FHIP2A: variants seen among roughly 807,000 people sequenced by gnomAD.
FHIP2A encodes the protein family with sequence similarity 160 member B1.
In FHIP2A, 46 loss-of-function variants were observed where a neutral mutation model predicts 93.5. That is an observed-to-expected ratio of 0.49 (90% CI 0.39 to 0.63). FHIP2A has a LOEUF of 0.63. Ranked by LOEUF, FHIP2A falls within the 20% of genes least tolerant of loss-of-function variation. FHIP2A has a pLI of 0.00. For synonymous variants in FHIP2A, 332 were observed against 326.5 expected, an observed-to-expected ratio of 1.02 and a Z score of -0.18; for missense variants, 769 against 909.7, an observed-to-expected ratio of 0.85 and a Z score of 1.99.
rs562294336 is a variant in FHIP2A, at chr10:114,874,974, T to C, written c.2192+13640T>C. ...TTATTGTAACACAGGAAAACCCACG[T>C]TGGTTTTGTACATTCGTGTTTGCTC... On this transcript the variant is annotated intron_variant, in intron 16 of 16. Coordinates refer to the FHIP2A transcript ENST00000369250. 2.6e-5 allele frequency among the ~76,000 whole-genome samples: 4 copies of C among 152,230 alleles called. No individual in the cohort carries two copies. In the South Asian group the frequency reaches 8.3e-4, roughly 32 times the overall value.
intron 1 of FHIP2A, among the ~76,000 whole-genome samples, chr10:114,825,698 G>C (rs1328821226): frequency 6.6e-6 from 1 of 152,210 alleles, no homozygotes; most frequent in African/African-American, 2.4e-5. Context: ...GGCCTTTCTT[G>C]TAGTTAGTTC....
intron 16 of FHIP2A, among the ~76,000 whole-genome samples, chr10:114,880,393 C>T (rs1281049892): frequency 6.6e-6 from 1 of 152,124 alleles, no homozygotes; most frequent in Non-Finnish European, 1.5e-5. Flanking sequence ...GTTAAAAACC[C>T]TTCAGGCTGG....
intron 16 of FHIP2A, among the ~76,000 whole-genome samples, chr10:114,891,655 C>T (rs1331718148): frequency 6.7e-6 from 1 of 149,364 alleles, no homozygotes; most frequent in Non-Finnish European, 1.5e-5. Context: ...CTTGATCTGT[C>T]GCCCAGGTTG....
At chr10:114,884,789 C>A (rs1413692855) in intron 16 of FHIP2A, among the ~76,000 whole-genome samples, 1 of 151,680 alleles carries the variant, frequency 6.6e-6, no homozygotes, top group Non-Finnish European at 1.5e-5. Flanking sequence ...TGGCATGTGC[C>A]TATTGTCCCA....
At chr10:114,878,791 A>AAAAAGAAAGAAAG (rs1555247326) in intron 16 of FHIP2A, among the ~76,000 whole-genome samples, 2 of 135,464 alleles carry the variant, frequency 1.5e-5, no homozygotes, top group Admixed American at 7.7e-5. Flanking sequence ...AAAAAAAAAA[A>AAAAAGAAAGAAAG]AAAGAAAGAA....
chr10:114,882,250 G>T (rs1321440358), intron 16 of FHIP2A, among the ~76,000 whole-genome samples: 2 of 152,216 alleles, frequency 1.3e-5, no homozygotes, highest in Non-Finnish European at 2.9e-5. Context: ...GAAGAATGAG[G>T]CAGTCTGTCC....
chr10:114,861,039 A>G (rs1592026062), intron 15 of FHIP2A, 150 bp downstream of exon 15: 1 of 1,027,716 alleles, frequency 9.7e-7, no homozygotes, highest in Non-Finnish European at 1.4e-6. Context: ...CTATTTTTTC[A>G]ATTATTTTAA....
downstream of FHIP2A, among the ~76,000 whole-genome samples, chr10:114,865,081 G>A (rs1350925499): frequency 1.3e-5 from 2 of 151,882 alleles, no homozygotes; most frequent in Non-Finnish European, 2.9e-5. Flanking sequence ...TCCGCCCCCT[G>A]GGTTCAAGTG....
At chr10:114,855,775 A>C (rs2083763002) in intron 14 of FHIP2A, among the ~76,000 whole-genome samples, 1 of 152,200 alleles carries the variant, frequency 6.6e-6, no homozygotes, top group Admixed American at 6.5e-5. Context: ...CTGGCTCTTT[A>C]GACAAAGCTT....
At chr10:114,830,745 CT>C (rs1238132423) in intron 1 of FHIP2A, 106 bp from the exon 2 acceptor site, 1 of 597,172 alleles carries the variant, frequency 1.7e-6, no homozygotes, top group East Asian at 3.1e-5. Flanking sequence ...AAGTTCACCC[CT>C]TATTTTTATG....
In FHIP2A at chr10:114,833,294, A is replaced by G. The variant is rs770870236; in HGVS notation, c.186A>G (p.Ile62Met). Residue 62 changes from isoleucine (I) to methionine (M), a missense_variant, in exon 3 of 17, where the codon ATA becomes ATG. Transcript: ENST00000369248. ...CGCATCTGGAACAGATGTTAGATATACTGGTTCAAGAAGAAAATGAACGGG... is the reference window on the plus strand; with the variant it reads ...CGCATCTGGAACAGATGTTAGATATGCTGGTTCAAGAAGAAAATGAACGGG... ...IPSHLEQMLD[I>M]LVQEENERES... 2 of 1,613,442 alleles carry G rather than the reference A, an allele frequency of 1.2e-6. No homozygotes were observed. Among genetic ancestry groups the G allele is most frequent in the Non-Finnish European group, 8.5e-7 (1 of 1,179,524 alleles).
At chr10:114,886,625 A>G (rs10885623) in intron 16 of FHIP2A, among the ~76,000 whole-genome samples, 20,287 of 152,080 alleles carry the variant, frequency 0.13, 1,506 homozygotes, top group East Asian at 0.21. Flanking sequence ...GCCCACTGCA[A>G]TCTTCACCTC....
exon 17 of FHIP2A, chr10:114,899,656 C>T: frequency 1.6e-6 from 1 of 615,526 alleles, no homozygotes; most frequent in Non-Finnish European, 3.0e-6. Flanking sequence ...ATTGGCAGAC[C>T]TGAATCACCT....
Position 114,862,167 on chromosome 10 carries a change from A to T in FHIP2A, c.*627A>T, listed in dbSNP as rs561589192. On this transcript the variant is annotated 3_prime_UTR_variant, in exon 17 of 17. Coordinates refer to ENST00000369248, the MANE Select transcript of FHIP2A (RefSeq NM_020940.4). ...AATTCTTGATTAATATAATATATCT[A>T]TATTTTTAAAGAAATGTTCTTTTAC... The T allele has an allele frequency of 1.1e-6, 1 of 922,784 alleles. No homozygotes were observed. The highest frequency in any genetic ancestry group is 1.8e-5 in the African/African-American group (1 of 55,906). 57.2% of individuals were successfully genotyped at this position (922,784 alleles called of 1,614,324 possible).
At position 114,855,356 on chromosome 10, in the gene FHIP2A, A is replaced by G. The variant is rs2083760911; in HGVS notation, c.1947+16A>G. 1 of 1,598,028 alleles carries G rather than the reference A, an allele frequency of 6.3e-7. No homozygotes were observed. Among genetic ancestry groups the G allele is most frequent in the African/African-American group, 1.3e-5 (1 of 74,170 alleles). ...TCTTGATCAGGTAATACATTTTAAA[A>G]TACTAATTTTCATATTTTTTTTTGC... On this transcript the variant is annotated intron_variant, in intron 14 of 16. Transcript: ENST00000369248.
intron 6 of FHIP2A, among the ~76,000 whole-genome samples, chr10:114,843,462 G>A (rs373528882): frequency 5.9e-5 from 9 of 151,538 alleles, no homozygotes; most frequent in East Asian, 5.8e-4. Flanking sequence ...ACGCCACCAC[G>A]CCAGCTAATT....
chr10:114,835,668 AT>A, intron 4 of FHIP2A, 27 bp downstream of exon 4: 1 of 1,249,610 alleles, frequency 8.0e-7, no homozygotes, highest in Non-Finnish European at 1.1e-6. Context: ...ACATAAAATC[AT>A]TTTGTTTGAT....
chr10:114,876,016 A>G (rs978004267), intron 16 of FHIP2A, among the ~76,000 whole-genome samples: 2 of 148,676 alleles, frequency 1.3e-5, no homozygotes, highest in Admixed American at 1.3e-4. Flanking sequence ...GAAAGAAAGA[A>G]AAAGAAAGAA....
intron 13 of FHIP2A, among the ~76,000 whole-genome samples, chr10:114,852,697 A>G (rs1172065266): frequency 6.6e-6 from 1 of 152,196 alleles, no homozygotes; most frequent in Non-Finnish European, 1.5e-5. Context: ...AGCCATTAAC[A>G]GATTAATCTC....
Sources: allele counts gnomAD v4.1 joint callset (sites outside exome capture counted in the v4.1 genomes callset), GRCh38; gene constraint gnomAD v4.1.1; transcripts MANE v1.5; gene names NCBI Gene and HGNC (gene_info 2026-07-23, HGNC 2026-07-21).